Variants in SNTG2 observed in about 807,000 individuals in gnomAD.
SNTG2 encodes the protein gamma-2-syntrophin.
SNTG2 carries 74 observed loss-of-function variants against 70.9 expected under a neutral mutation model. That is an observed-to-expected ratio of 1.04 (90% CI 0.86 to 1.27). SNTG2 has a LOEUF of 1.27. Among genes scored for constraint, SNTG2 ranks in the 50% most tolerant of loss-of-function variants. SNTG2 has a pLI of 0.00. For synonymous variants in SNTG2, 278 were observed against 273.8 expected (o/e 1.02, Z -0.15); for missense variants, 717 against 690.7 (o/e 1.04, Z -0.43).
In SNTG2 at chr2:1,281,530, T is replaced by G. The variant is rs371029570; in HGVS notation, c.1284+13959T>G. 5.8e-4 allele frequency among the ~76,000 whole-genome samples: 50 copies of G among 86,492 alleles called. No individual in the cohort carries two copies. The East Asian group carries it at 0.013, about 22-fold the overall frequency. 56.7% of individuals were successfully genotyped at this position (86,492 alleles called of 152,430 possible). ...GTGGTGTGTTGTGTGGTGTGTGTGT[T>G]TGGTGTGGTGTGTGTGTATGTGGTG... On this transcript the variant is annotated intron_variant, in intron 14 of 16. Transcript: ENST00000308624.
intron 7 of SNTG2, among the ~76,000 whole-genome samples, chr2:1,171,816 A>G (rs1671141841): frequency 6.6e-6 from 1 of 152,222 alleles, no homozygotes; most frequent in Non-Finnish European, 1.5e-5. Context: ...GACAAAGGGT[A>G]ACAGCGAGCC....
chr2:1,035,518 C>T (rs904154361), intron 1 of SNTG2, among the ~76,000 whole-genome samples: 1 of 152,208 alleles, frequency 6.6e-6, no homozygotes, highest in African/African-American at 2.4e-5. Flanking sequence ...AACCAACTCT[C>T]CAGCTGCAAT....
At chr2:1,197,623 A>G (rs1178727760) in intron 8 of SNTG2, among the ~76,000 whole-genome samples, 2 of 151,240 alleles carry the variant, frequency 1.3e-5, no homozygotes, top group African/African-American at 4.9e-5. Flanking sequence ...TGCAGCTTCA[A>G]CCTTCCTGGG....
intron 8 of SNTG2, among the ~76,000 whole-genome samples, chr2:1,208,134 G>T (rs1171376619): frequency 6.6e-6 from 1 of 152,206 alleles, no homozygotes; most frequent in African/African-American, 2.4e-5. Flanking sequence ...AGAGCCCGGA[G>T]CTCAGGGCTG....
At chr2:1,111,036 C>G (rs1666406309) in intron 4 of SNTG2, among the ~76,000 whole-genome samples, 1 of 152,198 alleles carries the variant, frequency 6.6e-6, no homozygotes, top group Non-Finnish European at 1.5e-5. Context: ...TGCTTTTTGT[C>G]TCAAGTTAGC....
intron 13 of SNTG2, among the ~76,000 whole-genome samples, chr2:1,266,812 G>A (rs1471140941): frequency 1.4e-5 from 2 of 138,680 alleles, no homozygotes; most frequent in African/African-American, 5.3e-5. Context: ...GTGCATTGGT[G>A]GTGTGATCTT....
intron 1 of SNTG2, among the ~76,000 whole-genome samples, chr2:1,081,674 C>A (rs1298128041): frequency 6.6e-6 from 1 of 152,248 alleles, no homozygotes; most frequent in Admixed American, 6.5e-5. Flanking sequence ...GCTGGTGGAT[C>A]CACAGACGTC....
chr2:1,215,868 T>C (rs1198115486), intron 9 of SNTG2, among the ~76,000 whole-genome samples: 1 of 152,300 alleles, frequency 6.6e-6, no homozygotes, highest in Non-Finnish European at 1.5e-5. Flanking sequence ...TCCATGTCCC[T>C]ACAAAGGACA....
At chr2:1,217,126 T>TA (rs1674445811) in intron 9 of SNTG2, among the ~76,000 whole-genome samples, 3 of 152,158 alleles carry the variant, frequency 2.0e-5, no homozygotes, top group South Asian at 2.1e-4. Context: ...AGTTCTTTTT[T>TA]TAAAAAAAAA....
At chr2:1,253,876 C>T (rs1476096203) in intron 12 of SNTG2, among the ~76,000 whole-genome samples, 1 of 152,048 alleles carries the variant, frequency 6.6e-6, no homozygotes, top group Non-Finnish European at 1.5e-5. Flanking sequence ...GAGGAGATGT[C>T]ACACTTTTAA....
intron 12 of SNTG2, among the ~76,000 whole-genome samples, chr2:1,255,825 T>TATATATAA (rs879546139): frequency 3.4e-5 from 2 of 59,136 alleles, no homozygotes; most frequent in Non-Finnish European, 5.9e-5. Context: ...TGTATGTATA[T>TATATATAA]ATATATAAAT....
chr2:1,096,022 C>T (rs181880240), intron 2 of SNTG2, among the ~76,000 whole-genome samples: 2 of 152,160 alleles, frequency 1.3e-5, no homozygotes, highest in East Asian at 3.9e-4. Flanking sequence ...ATGAACCCCC[C>T]CTTGGTTCTG....
chr2:983,671 G>A lies in SNTG2; in HGVS notation c.72+32603G>A, dbSNP rs148038588. Reference sequence around the variant, plus strand: ...ATGAACTCTGAGCTCCTAAGTGTACGCTGACCTTCAGTCTTGATTCATGTC... The same window carrying A: ...ATGAACTCTGAGCTCCTAAGTGTACACTGACCTTCAGTCTTGATTCATGTC... On this transcript the variant is annotated intron_variant, in intron 1 of 16. Transcript: ENST00000308624. Among the ~76,000 whole-genome samples, 102 of 152,332 alleles carry A rather than the reference G, an allele frequency of 6.7e-4. 1 individual carries two copies. Among genetic ancestry groups the A allele is most frequent in the African/African-American group, 2.4e-3 (99 of 41,572 alleles).
intron 12 of SNTG2, 139 bp from the exon 13 acceptor site, chr2:1,259,227 AGTTT>A: frequency 1.5e-6 from 1 of 669,384 alleles, no homozygotes; most frequent in Non-Finnish European, 2.6e-6. Context: ...CAGTACGTAA[AGTTT>A]AATGTTACCA....
chr2:1,267,219 T>A, intron 13 of SNTG2, 146 bp from the exon 14 acceptor site: 1 of 671,890 alleles, frequency 1.5e-6, no homozygotes, highest in Admixed American at 2.6e-5. Flanking sequence ...ATGAGAGGGC[T>A]CATTGCTCTG....
intron 1 of SNTG2, among the ~76,000 whole-genome samples, chr2:1,043,858 GT>G (rs1359090187): frequency 2.6e-5 from 4 of 152,030 alleles, no homozygotes; most frequent in African/African-American, 9.7e-5. Flanking sequence ...ATGCCCCCAG[GT>G]TTGTTCTTTT....
chr2:1,236,263 A>G (rs143714075), intron 9 of SNTG2, among the ~76,000 whole-genome samples: 2 of 152,388 alleles, frequency 1.3e-5, no homozygotes, highest in African/African-American at 4.8e-5. Flanking sequence ...GGAATATTAC[A>G]CAATCTGCCT....
intron 8 of SNTG2, among the ~76,000 whole-genome samples, chr2:1,189,708 A>C (rs4381810): frequency 1.3e-5 from 2 of 151,964 alleles, no homozygotes; most frequent in African/African-American, 2.4e-5. Flanking sequence ...CAGCACGCCC[A>C]GCTAATTTTT....
At chr2:1,289,261 A>C (rs1000349276) in intron 14 of SNTG2, among the ~76,000 whole-genome samples, 1 of 151,984 alleles carries the variant, frequency 6.6e-6, no homozygotes, top group African/African-American at 2.4e-5. Context: ...CCACATCCCC[A>C]GGTGACTGGG....
Sources: gnomAD v4.1 joint callset for allele counts (sites outside exome capture counted in the v4.1 genomes callset) on GRCh38, gnomAD v4.1.1 for gene constraint, MANE v1.5 for transcripts, NCBI Gene and HGNC (gene_info 2026-07-23, HGNC 2026-07-21) for gene names.